The following UHRF2 variants were observed in gnomAD, a reference collection of about 807,000 sequenced individuals.
UHRF2 encodes the protein E3 ubiquitin-protein ligase UHRF2.
A neutral mutation model predicts 96.8 loss-of-function variants in UHRF2; 23 were observed. That is an observed-to-expected ratio of 0.24 (90% CI 0.17 to 0.34). UHRF2 has a LOEUF of 0.34. Ranked by LOEUF, UHRF2 falls within the 10% of genes least tolerant of loss-of-function variation. UHRF2 has a pLI of 1.00. For missense variants in UHRF2, 685 were observed against 981.5 expected, an observed-to-expected ratio of 0.70 and a Z score of 4.04; for synonymous variants, 385 against 332.6, an observed-to-expected ratio of 1.16 and a Z score of -1.72.
At position 6,474,664 on chromosome 9, in the gene UHRF2, C is replaced by G. The variant is rs1823456039; in HGVS notation, c.864-727C>G. On this transcript the variant is annotated intron_variant, in intron 4 of 15. Coordinates refer to ENST00000276893, the MANE Select transcript of UHRF2 (RefSeq NM_152896.3). ...GAGACTACAGTGAGCCAAGATTGCACCACTGCACTCCAGCCTGGTGACAGA... is the reference window on the plus strand; with the variant it reads ...GAGACTACAGTGAGCCAAGATTGCAGCACTGCACTCCAGCCTGGTGACAGA... Among the ~76,000 whole-genome samples, 2 of 152,152 alleles carry G rather than the reference C, an allele frequency of 1.3e-5. 1 individual carries two copies. The highest frequency in any genetic ancestry group is 4.1e-4 in the South Asian group (2 of 4,834).
intron 4 of UHRF2, among the ~76,000 whole-genome samples, chr9:6,471,329 A>G (rs1823227605): frequency 6.6e-6 from 1 of 152,142 alleles, no homozygotes; most frequent in African/African-American, 2.4e-5. Context: ...TAGCTCAGCA[A>G]ACTAATTTGA....
At chr9:6,431,317 C>G (rs537783051) in intron 2 of UHRF2, among the ~76,000 whole-genome samples, 1 of 151,890 alleles carries the variant, frequency 6.6e-6, no homozygotes, top group South Asian at 2.1e-4. Flanking sequence ...TAGGATAATC[C>G]TTTTTTTTGG....
chr9:6,421,307 G>A (rs541750053), intron 2 of UHRF2, among the ~76,000 whole-genome samples, 165 bp downstream of exon 2: 17 of 152,252 alleles, frequency 1.1e-4, no homozygotes, highest in East Asian at 1.9e-4. Context: ...TATGAAATAC[G>A]TAGACAAATG....
intron 4 of UHRF2, among the ~76,000 whole-genome samples, chr9:6,473,630 A>G (rs7860627): frequency 0.21 from 31,432 of 152,068 alleles, 3,935 homozygotes; most frequent in Admixed American, 0.29. Flanking sequence ...TCTGATTGAG[A>G]CTGAGTCTTT....
intron 4 of UHRF2, among the ~76,000 whole-genome samples, chr9:6,469,465 C>G (rs567309873): frequency 6.6e-6 from 1 of 151,856 alleles, no homozygotes; most frequent in Non-Finnish European, 1.5e-5. Context: ...TTGCAGTGAG[C>G]CAAGATTGCG....
At chr9:6,454,103 T>C (rs955381332) in intron 3 of UHRF2, among the ~76,000 whole-genome samples, 49 of 152,208 alleles carry the variant, frequency 3.2e-4, no homozygotes, top group African/African-American at 1.2e-3. Context: ...CCATATGAGA[T>C]ACAGTTACCA....
intron 14 of UHRF2, among the ~76,000 whole-genome samples, chr9:6,502,854 C>T (rs1036982326): frequency 3.3e-5 from 5 of 152,096 alleles, no homozygotes; most frequent in Non-Finnish European, 7.4e-5. Flanking sequence ...CACATAATTG[C>T]CATATTTTAA....
chr9:6,434,095 T>G lies in UHRF2; in HGVS notation c.566T>G (p.Leu189Trp). ...AAATCCAAAGAGAACACAAATAAAT[T>G]GGACAGTGTACCCTCTACGTCTAAT... ...KHKSKENTNK[L>W]DSVPSTSNSD... is the part of the protein sequence containing the mutation. The change falls in exon 3 of 16, where the codon TTG (leucine) becomes TGG (tryptophan). Residue 189 changes from leucine to tryptophan, a missense_variant. This residue lies in a region of UHRF2 where 391 missense variants were observed against 437.0 expected (regional missense o/e 0.89). Transcript: ENST00000276893. 3.1e-6 allele frequency: 5 copies of G among 1,614,084 alleles called. No individual in the cohort carries two copies. Among genetic ancestry groups the G allele is most frequent in the Non-Finnish European group, 4.2e-6 (5 of 1,180,010 alleles).
At chr9:6,492,025 G>T (rs985586154) in intron 9 of UHRF2, among the ~76,000 whole-genome samples, 3 of 152,102 alleles carry the variant, frequency 2.0e-5, no homozygotes, top group African/African-American at 7.2e-5. Context: ...GAATCATTGC[G>T]CCTGGCCTTT....
chr9:6,464,008 T>G (rs1189706377), intron 4 of UHRF2, among the ~76,000 whole-genome samples: 1 of 152,208 alleles, frequency 6.6e-6, no homozygotes, highest in Admixed American at 6.5e-5. Flanking sequence ...AACCTGTGCA[T>G]CTTCAACTTG....
chr9:6,467,597 T>G (rs1354547954), intron 4 of UHRF2, among the ~76,000 whole-genome samples: 1 of 145,812 alleles, frequency 6.9e-6, no homozygotes, highest in Non-Finnish European at 1.5e-5. Flanking sequence ...AGAGAATAGT[T>G]TTTTTTTTTT....
intron 3 of UHRF2, among the ~76,000 whole-genome samples, chr9:6,443,797 T>C (rs1173847106): frequency 6.6e-6 from 1 of 152,196 alleles, no homozygotes; most frequent in African/African-American, 2.4e-5. Flanking sequence ...TCACTTAGAA[T>C]TTTGTGGGTA....
chr9:6,497,549 G>A (rs183989192), intron 11 of UHRF2, among the ~76,000 whole-genome samples, 189 bp downstream of exon 11: 2 of 150,826 alleles, frequency 1.3e-5, no homozygotes, highest in Admixed American at 1.3e-4. Flanking sequence ...GGCTTATTTC[G>A]AGTTCCTAGG....
At chr9:6,461,398 C>A (rs965107031) in intron 4 of UHRF2, among the ~76,000 whole-genome samples, 6 of 130,940 alleles carry the variant, frequency 4.6e-5, no homozygotes, top group Non-Finnish European at 9.8e-5. Flanking sequence ...CTCCCCCCCG[C>A]CCCTTGTTCT....
At chr9:6,459,213 T>TA (rs1463899001) in intron 3 of UHRF2, among the ~76,000 whole-genome samples, 21 of 151,646 alleles carry the variant, frequency 1.4e-4, no homozygotes, top group Middle Eastern at 6.8e-3. Flanking sequence ...ACTTAAATTT[T>TA]AAAAAAAGAA....
rs570385929 is a variant in UHRF2 at position 6,436,760 on chromosome 9, T to A, written c.644+2587T>A. On this transcript the variant is annotated intron_variant, in intron 3 of 15. Coordinates refer to ENST00000276893, the MANE Select transcript of UHRF2 (RefSeq NM_152896.3). ...ACAAAACACAGTACCTTAGCATATA[T>A]TTGGCAACTTTTTTTGTCAGTTAGA... Among the ~76,000 whole-genome samples, 13 of 152,328 alleles carry A rather than the reference T, an allele frequency of 8.5e-5. No individual in the cohort carries two copies. In the East Asian group the frequency reaches 2.1e-3, roughly 25 times the overall value.
chr9:6,449,347 C>G (rs766121974), intron 3 of UHRF2: 3 of 152,210 alleles, frequency 2.0e-5, no homozygotes, highest in Non-Finnish European at 2.9e-5. Flanking sequence ...TACCATTAGA[C>G]TGGCCAAGAT....
intron 3 of UHRF2, among the ~76,000 whole-genome samples, chr9:6,440,559 C>A (rs1228385624): frequency 6.6e-6 from 1 of 152,116 alleles, no homozygotes; most frequent in Non-Finnish European, 1.5e-5. Context: ...CAAGTATGAG[C>A]TGAAGACTTG....
chr9:6,490,568 C>T (rs1311019027), intron 9 of UHRF2, among the ~76,000 whole-genome samples: 2 of 152,166 alleles, frequency 1.3e-5, no homozygotes, highest in Non-Finnish European at 2.9e-5. Context: ...GCAGAGGTTG[C>T]GGTGAGCCAA....
Sources: gnomAD v4.1 joint callset for allele counts (sites outside exome capture counted in the v4.1 genomes callset) on GRCh38, gnomAD v4.1.1 for gene constraint, gnomAD v4.1.1 regional missense constraint, MANE v1.5 for transcripts, NCBI Gene and HGNC (gene_info 2026-07-23, HGNC 2026-07-21) for gene names.